Variants in GPR158 observed in about 807,000 individuals in gnomAD.
The protein encoded by GPR158 is G protein-coupled receptor 158, also known as metabotropic glycine receptor.
A neutral mutation model predicts 78.2 loss-of-function variants in GPR158; 30 were observed. That is an observed-to-expected ratio of 0.38 (90% CI 0.29 to 0.52). The LOEUF (loss-of-function observed/expected upper bound fraction) is 0.52, where lower values mean the gene tolerates loss of function less well. Ranked by LOEUF, GPR158 falls within the 20% of genes least tolerant of loss-of-function variation. The pLI is 0.83. For missense variants in GPR158, 1,463 were observed against 1,523.5 expected (o/e 0.96, Z 0.66); for synonymous variants, 581 against 591.1 (o/e 0.98, Z 0.25).
intron 2 of GPR158, among the ~76,000 whole-genome samples, chr10:25,232,708 A>G (rs1016877727): frequency 2.0e-5 from 3 of 152,178 alleles, no homozygotes; most frequent in African/African-American, 2.4e-5. Flanking sequence ...CAGAACATGA[A>G]GTATTGAGAT....
At chr10:25,196,483 A>G (rs549190216) in intron 1 of GPR158, among the ~76,000 whole-genome samples, 2 of 152,276 alleles carry the variant, frequency 1.3e-5, no homozygotes, top group South Asian at 4.1e-4. Flanking sequence ...CCTTTATGCC[A>G]CCAGTTCTGC....
At chr10:25,182,234 G>C (rs1325932149) in intron 1 of GPR158, among the ~76,000 whole-genome samples, 1 of 152,050 alleles carries the variant, frequency 6.6e-6, no homozygotes, top group Non-Finnish European at 1.5e-5. Flanking sequence ...ATAAGAATAA[G>C]CATAATCTGA....
chr10:25,468,000 G>T (rs566958814), intron 5 of GPR158, among the ~76,000 whole-genome samples: 1 of 152,206 alleles, frequency 6.6e-6, no homozygotes, highest in African/African-American at 2.4e-5. Context: ...CTGCCTAATG[G>T]CAGCATTGCT....
rs528077514 is a variant in GPR158, at chr10:25,259,670, A to G, written c.1008+38513A>G. Among the ~76,000 whole-genome samples the G allele has an allele frequency of 5.9e-5, 9 of 152,274 alleles. No individual in the cohort carries two copies. In the South Asian group the frequency reaches 1.7e-3, roughly 28 times the overall value. Reference sequence around the variant, plus strand: ...TTCGAATTTGATTGAATTGTGTTATATCCATATAGGGAGAACTAACATTAA... The same window carrying G: ...TTCGAATTTGATTGAATTGTGTTATGTCCATATAGGGAGAACTAACATTAA... On this transcript the variant is annotated intron_variant, in intron 2 of 10. Coordinates refer to ENST00000376351, the MANE Select transcript of GPR158 (RefSeq NM_020752.3).
chr10:25,193,600 A>C lies in GPR158; in HGVS notation c.902+17278A>C, dbSNP rs189807655. Among the ~76,000 whole-genome samples, 342 of 152,376 alleles carry C rather than the reference A, an allele frequency of 2.2e-3. 2 individuals carry two copies. Among genetic ancestry groups the C allele is most frequent in the African/African-American group, 8.0e-3 (333 of 41,592 alleles). The stretch of plus-strand genomic sequence containing the variant: ...TAAAATGTTGTGGTAACATAGAAAC[A>C]TGTGAAGTGCTTTACAGATTTCCCC... On this transcript the variant is annotated intron_variant, in intron 1 of 10. Transcript: ENST00000376351.
chr10:25,263,658 C>T (rs892842775), intron 2 of GPR158, among the ~76,000 whole-genome samples: 60 of 152,130 alleles, frequency 3.9e-4, no homozygotes, highest in African/African-American at 1.3e-3. Flanking sequence ...ATTTTAAGGC[C>T]GGGTGCTGTG....
At chr10:25,322,297 C>T (rs557005781) in intron 2 of GPR158, among the ~76,000 whole-genome samples, 7 of 151,958 alleles carry the variant, frequency 4.6e-5, no homozygotes, top group South Asian at 2.1e-4. Flanking sequence ...AGGAGAATGG[C>T]GTGAACCCGG....
chr10:25,179,298 T>C (rs781141264), intron 1 of GPR158, among the ~76,000 whole-genome samples: 100 of 152,344 alleles, frequency 6.6e-4, no homozygotes, highest in Middle Eastern at 3.4e-3. Flanking sequence ...TGAAATAGTC[T>C]TTTAAACATG....
chr10:25,583,352 G>A (rs1204812986), intron 7 of GPR158, among the ~76,000 whole-genome samples: 4 of 152,158 alleles, frequency 2.6e-5, no homozygotes, highest in African/African-American at 9.7e-5. Flanking sequence ...GTCTAATAAA[G>A]TCACTTGTAA....
intron 4 of GPR158, among the ~76,000 whole-genome samples, chr10:25,462,403 T>A (rs894970974): frequency 1.3e-5 from 2 of 152,190 alleles, no homozygotes; most frequent in Non-Finnish European, 2.9e-5. Flanking sequence ...ATTAATGTTG[T>A]TTTCATGCCC....
intron 2 of GPR158, among the ~76,000 whole-genome samples, chr10:25,351,972 C>T (rs1315517804): frequency 6.6e-6 from 1 of 151,870 alleles, no homozygotes; most frequent in East Asian, 2.0e-4. Flanking sequence ...CACCATTCAG[C>T]TCCCACTTAT....
At chr10:25,192,776 A>G (rs1238886426) in intron 1 of GPR158, among the ~76,000 whole-genome samples, 3 of 152,012 alleles carry the variant, frequency 2.0e-5, no homozygotes, top group Admixed American at 6.6e-5. Flanking sequence ...AAAAAAAGGT[A>G]GAAAAATGAT....
At chr10:25,459,893 A>G (rs1034527627) in intron 4 of GPR158, among the ~76,000 whole-genome samples, 1 of 152,174 alleles carries the variant, frequency 6.6e-6, no homozygotes, top group African/African-American at 2.4e-5. Context: ...GTCAGTTCTG[A>G]AAGTTTACAA....
At chr10:25,341,222 T>A (rs1410205269) in intron 2 of GPR158, among the ~76,000 whole-genome samples, 1 of 151,980 alleles carries the variant, frequency 6.6e-6, no homozygotes, top group Non-Finnish European at 1.5e-5. Flanking sequence ...GGAAAATGTT[T>A]CTAAATGACA....
chr10:25,511,489 G>A (rs1836086550), intron 5 of GPR158, among the ~76,000 whole-genome samples: 1 of 152,104 alleles, frequency 6.6e-6, no homozygotes, highest in African/African-American at 2.4e-5. Context: ...CACTCTCTGG[G>A]TTGTCTGTTT....
chr10:25,313,490 TG>T (rs1854797499), intron 2 of GPR158, among the ~76,000 whole-genome samples: 1 of 139,342 alleles, frequency 7.2e-6, no homozygotes, highest in Non-Finnish European at 1.5e-5. Context: ...CTAGAATCAA[TG>T]GGTAAAAAAA....
chr10:25,541,122 A>G (rs1836577075), intron 5 of GPR158, among the ~76,000 whole-genome samples: 1 of 151,808 alleles, frequency 6.6e-6, no homozygotes, highest in South Asian at 2.1e-4. Flanking sequence ...CTCCATATAC[A>G]TATCAAGATT....
intron 1 of GPR158, among the ~76,000 whole-genome samples, chr10:25,182,265 C>G (rs1235182544): frequency 6.6e-6 from 1 of 152,118 alleles, no homozygotes; most frequent in East Asian, 1.9e-4. Flanking sequence ...CTTAAGACTT[C>G]CTGATTTACT....
intron 5 of GPR158, among the ~76,000 whole-genome samples, chr10:25,532,888 C>G (rs377189493): frequency 1.3e-4 from 20 of 152,262 alleles, no homozygotes; most frequent in African/African-American, 4.8e-4. Context: ...TAGATACAAA[C>G]AGAAGCATAT....
Sources: gnomAD v4.1 joint callset for allele counts (sites outside exome capture counted in the v4.1 genomes callset) on GRCh38, gnomAD v4.1.1 for gene constraint, MANE v1.5 for transcripts, NCBI Gene and HGNC (gene_info 2026-07-23, HGNC 2026-07-21) for gene names.